CWH43: variants seen among roughly 807,000 people sequenced by gnomAD.
CWH43 encodes PGAP2-interacting protein.
A neutral mutation model predicts 85.7 loss-of-function variants in CWH43; 91 were observed. That is an observed-to-expected ratio of 1.06 (90% CI 0.90 to 1.26). The LOEUF (loss-of-function observed/expected upper bound fraction) is 1.26, where lower values mean the gene tolerates loss of function less well. Ranked by LOEUF, CWH43 falls within the 50% of genes most tolerant of loss-of-function variation. The pLI, the probability that CWH43 is intolerant of heterozygous loss-of-function variation, is 0.00. For missense variants in CWH43, 869 were observed against 839.2 expected (o/e 1.04, Z -0.44); for synonymous variants, 323 against 293.6 (o/e 1.10, Z -1.02).
intron 5 of CWH43, among the ~76,000 whole-genome samples, chr4:48,997,160 A>C (rs531831969): frequency 7.2e-5 from 11 of 152,038 alleles, no homozygotes; most frequent in Admixed American, 3.3e-4. Flanking sequence ...GAAATGTTGC[A>C]TTAGGCCATC....
intron 14 of CWH43, among the ~76,000 whole-genome samples, chr4:49,050,128 TTC>T (rs1282984955): frequency 6.6e-6 from 1 of 152,186 alleles, no homozygotes; most frequent in Admixed American, 6.5e-5. Flanking sequence ...ATAAAATGAA[TTC>T]TTTGTTGTTC....
At chr4:49,011,886 C>T (rs893690370) in intron 8 of CWH43, among the ~76,000 whole-genome samples, 7 of 152,174 alleles carry the variant, frequency 4.6e-5, no homozygotes, top group African/African-American at 1.7e-4. Flanking sequence ...CCCAACATTT[C>T]TCTCTGGCTG....
intron 15 of CWH43, among the ~76,000 whole-genome samples, chr4:49,053,933 T>A (rs1784876093): frequency 6.6e-6 from 1 of 152,144 alleles, no homozygotes; most frequent in Non-Finnish European, 1.5e-5. Context: ...ACCTATATAG[T>A]TTGTAAATAT....
chr4:49,061,450 T>G (rs776543407), intron 15 of CWH43, among the ~76,000 whole-genome samples: 13 of 152,220 alleles, frequency 8.5e-5, no homozygotes, highest in Non-Finnish European at 1.5e-4. Context: ...GTAGACAATT[T>G]AGAAGTTCTG....
intron 12 of CWH43, among the ~76,000 whole-genome samples, chr4:49,034,203 C>T (rs577018211): frequency 1.8e-4 from 28 of 151,958 alleles, no homozygotes; most frequent in Non-Finnish European, 2.6e-4. Flanking sequence ...TTCTTTTTTT[C>T]CCAGTGATTT....
chr4:49,005,238 T>C (rs577987261), intron 7 of CWH43, among the ~76,000 whole-genome samples: 2 of 152,316 alleles, frequency 1.3e-5, no homozygotes, highest in African/African-American at 2.4e-5. Context: ...TGGGGTACAA[T>C]TGCAATTTTG....
chr4:49,007,198 CAG>C lies in CWH43; in HGVS notation c.1061-2_1061-1del. 6.2e-7 allele frequency: 1 copy of C among 1,603,904 alleles called. No individual in the cohort carries two copies. The highest frequency in any genetic ancestry group is 1.1e-5 in the South Asian group (1 of 87,860). ...AACATATTCTTTCTTTCTCTTATAA[CAG>C]GGACAATGATGTTAATTATCGGGCT... On this transcript the variant is annotated splice_acceptor_variant, in intron 7 of 15. Transcript: ENST00000226432. LOFTEE classifies it high-confidence loss of function.
At position 48,997,382 on chromosome 4, in the gene CWH43, T is replaced by G. The variant is rs1350124; in HGVS notation, c.714-1078T>G. Reference sequence around the variant, plus strand: ...CCCTATCTGCATTATTTATTAATGGTGTTTATTATATGTTTCCCCCACTGG... The same window carrying G: ...CCCTATCTGCATTATTTATTAATGGGGTTTATTATATGTTTCCCCCACTGG... On this transcript the variant is annotated intron_variant, in intron 5 of 15. Transcript: ENST00000226432. 2.0e-5 allele frequency among the ~76,000 whole-genome samples: 3 copies of G among 152,054 alleles called. No homozygotes were observed. The South Asian group carries it at 6.2e-4, about 32-fold the overall frequency.
At chr4:49,060,247 C>G (rs1785106589) in intron 15 of CWH43, among the ~76,000 whole-genome samples, 1 of 151,706 alleles carries the variant, frequency 6.6e-6, no homozygotes, top group Admixed American at 6.6e-5. Context: ...CTCTGGAGGC[C>G]AGGTCCATGG....
At chr4:49,040,509 T>C (rs1350504647) in intron 13 of CWH43, among the ~76,000 whole-genome samples, 2 of 152,246 alleles carry the variant, frequency 1.3e-5, no homozygotes, top group African/African-American at 2.4e-5. Flanking sequence ...ATGAGCATTT[T>C]TTCATGTGTC....
intron 9 of CWH43, among the ~76,000 whole-genome samples, chr4:49,024,790 T>C (rs193243906): frequency 8.1e-4 from 123 of 152,244 alleles, no homozygotes; most frequent in Non-Finnish European, 1.5e-3. Flanking sequence ...AGATTCTTTT[T>C]TTTTGTCTTG....
intron 1 of CWH43, chr4:48,986,911 C>A (rs1407510267): frequency 7.6e-6 from 5 of 660,120 alleles, no homozygotes; most frequent in Non-Finnish European, 5.6e-6. Context: ...GGACACTGGG[C>A]GGCAGCTGCT....
chr4:49,057,321 C>T (rs1163528929), intron 15 of CWH43, among the ~76,000 whole-genome samples: 1 of 152,150 alleles, frequency 6.6e-6, no homozygotes, highest in Non-Finnish European at 1.5e-5. Flanking sequence ...CAACTGGAAG[C>T]AAAGGCAGGA....
chr4:49,031,226 G>C, intron 11 of CWH43: 1 of 343,790 alleles, frequency 2.9e-6, no homozygotes, highest in Non-Finnish European at 5.2e-6. Flanking sequence ...CCTGGATGCT[G>C]TCCTCATGGA....
chr4:48,990,912 TGTG>T (rs1782640850), intron 2 of CWH43, among the ~76,000 whole-genome samples: 1 of 152,098 alleles, frequency 6.6e-6, no homozygotes, highest in South Asian at 2.1e-4. Flanking sequence ...ATAAACAAAA[TGTG>T]GTATATACAT....
At position 49,033,356 on chromosome 4, in the gene CWH43, T is replaced by A. The variant is rs79416647; in HGVS notation, c.1658+641T>A. On this transcript the variant is annotated intron_variant, in intron 12 of 15. Coordinates refer to ENST00000226432, the MANE Select transcript of CWH43 (RefSeq NM_025087.3). ...GCCTATTTGGACAACCTGGCTTAAG[T>A]GCCCATATGGACTTGTGAATACATG... Among the ~76,000 whole-genome samples the A allele has an allele frequency of 9.5e-3, 1,446 of 152,264 alleles. 30 individuals carry two copies. The highest frequency in any genetic ancestry group is 0.033 in the African/African-American group (1,378 of 41,550).
In CWH43 at chr4:48,991,978, T is replaced by C. The variant is rs766301982; in HGVS notation, c.399T>C (p.Leu133=). 7.4e-6 allele frequency: 12 copies of C among 1,613,670 alleles called. No homozygotes were observed. Among genetic ancestry groups the C allele is most frequent in the Admixed American group, 1.7e-5 (1 of 59,968 alleles). ...GATTCATTTTAGGACAGATTGTTCTTGTTGTTCTACGCATATGGTATACTT... is the reference window on the plus strand; with the variant it reads ...GATTCATTTTAGGACAGATTGTTCTCGTTGTTCTACGCATATGGTATACTT... ...IWGFILGQIV[L]VVLRIWYTSL... is the part of the protein sequence containing the mutation. Residue 133 remains leucine, a synonymous_variant, in exon 4 of 16, where the codon CTT becomes CTC. Transcript: ENST00000226432.
At chr4:49,019,959 C>T (rs528549272) in intron 9 of CWH43, among the ~76,000 whole-genome samples, 1 of 151,940 alleles carries the variant, frequency 6.6e-6, no homozygotes. Context: ...TTTTAGTGCA[C>T]CCGTCACCCA....
chr4:49,044,710 T>G (rs1784567534), intron 13 of CWH43, 76 bp from the exon 14 acceptor site: 1 of 1,070,468 alleles, frequency 9.3e-7, no homozygotes, highest in Admixed American at 1.9e-5. Flanking sequence ...ATCATGTAGC[T>G]CACACATTTT....
Sources: gnomAD v4.1 joint callset for allele counts (sites outside exome capture counted in the v4.1 genomes callset) on GRCh38, gnomAD v4.1.1 for gene constraint, MANE v1.5 for transcripts, NCBI Gene and HGNC (gene_info 2026-07-23, HGNC 2026-07-21) for gene names.